NNMT: variants seen among roughly 807,000 people sequenced by gnomAD.
The protein encoded by NNMT is nicotinamide N-methyltransferase.
Under a neutral mutation model 11.7 loss-of-function variants are expected in NNMT, and 10 were observed. The ratio of observed to expected loss-of-function variants is 0.85; its 90% confidence interval spans 0.53 to 1.45. The LOEUF is 1.45. NNMT is among the 40% of genes most tolerant of loss of function. The probability of loss-of-function intolerance (pLI) is 0.00; values close to 1 mark genes in which losing one functional copy is unlikely to be tolerated. For synonymous variants in NNMT, 143 were observed against 133.8 expected, an observed-to-expected ratio of 1.07 and a Z score of -0.48; for missense variants, 381 against 319.4, an observed-to-expected ratio of 1.19 and a Z score of -1.47.
chr11:114,303,880 T>C (rs1345070910), intron 2 of NNMT, among the ~76,000 whole-genome samples: 2 of 152,164 alleles, frequency 1.3e-5, no homozygotes, highest in Non-Finnish European at 2.9e-5. Context: ...CTGGCTAATT[T>C]TTTGTAGAGA....
At chr11:114,265,662 G>A (rs1377742999) in intron 2 of NNMT, among the ~76,000 whole-genome samples, 3 of 152,144 alleles carry the variant, frequency 2.0e-5, no homozygotes, top group Non-Finnish European at 4.4e-5. Context: ...GGGAGACTGA[G>A]TGTGGTTTTA....
chr11:114,263,063 T>C (rs1461617146), intron 2 of NNMT: 2 of 152,160 alleles, frequency 1.3e-5, no homozygotes, highest in African/African-American at 4.8e-5. Flanking sequence ...CAGAAATCTG[T>C]CGATTACCAT....
At chr11:114,285,464 C>T (rs1054768390) in intron 2 of NNMT, among the ~76,000 whole-genome samples, 4 of 152,186 alleles carry the variant, frequency 2.6e-5, no homozygotes, top group African/African-American at 9.7e-5. Context: ...GGGTTCTCTA[C>T]CTCCCTGCAA....
intron 2 of NNMT, among the ~76,000 whole-genome samples, chr11:114,272,483 G>T (rs1156240563): frequency 6.6e-6 from 1 of 152,172 alleles, no homozygotes; most frequent in Non-Finnish European, 1.5e-5. Context: ...CCTTCAGAGT[G>T]TGTGGAACTG....
At chr11:114,295,098 C>A (rs150016045), upstream of NNMT, among the ~76,000 whole-genome samples, 4 of 152,334 alleles carry the variant, frequency 2.6e-5, no homozygotes, top group Non-Finnish European at 5.9e-5. Flanking sequence ...GTGGGGTATG[C>A]AGGTCAGCAT....
chr11:114,300,616 T>C (rs1945429344), intron 2 of NNMT, among the ~76,000 whole-genome samples: 1 of 133,682 alleles, frequency 7.5e-6, no homozygotes, highest in Non-Finnish European at 1.7e-5. Context: ...CTGAGAGTGT[T>C]AATGTCTCAA....
chr11:114,264,516 C>T (rs1945105855), intron 2 of NNMT, among the ~76,000 whole-genome samples: 1 of 152,176 alleles, frequency 6.6e-6, no homozygotes, highest in Non-Finnish European at 1.5e-5. Flanking sequence ...GGGGGCTTCT[C>T]CCCACACACC....
At chr11:114,266,802 C>T (rs949980798) in intron 2 of NNMT, among the ~76,000 whole-genome samples, 3 of 152,238 alleles carry the variant, frequency 2.0e-5, no homozygotes, top group African/African-American at 7.2e-5. Context: ...TCTTGCCATG[C>T]AATTCTTTCA....
chr11:114,308,992 A>T (rs1001190373), intron 2 of NNMT, among the ~76,000 whole-genome samples: 1 of 152,128 alleles, frequency 6.6e-6, no homozygotes, highest in African/African-American at 2.4e-5. Flanking sequence ...TTCTGTGGTA[A>T]CTCAAGTGTT....
chr11:114,302,517 C>T (rs1193090297), intron 2 of NNMT, among the ~76,000 whole-genome samples: 3 of 151,976 alleles, frequency 2.0e-5, no homozygotes, highest in Non-Finnish European at 2.9e-5. Flanking sequence ...CACTATAATA[C>T]ATATATTGTT....
chr11:114,298,222 A>G lies in NNMT; in HGVS notation c.362+64A>G, dbSNP rs11569686. On this transcript the variant is annotated intron_variant, in intron 2 of 2. Transcript: ENST00000299964. Reference sequence around the variant, plus strand: ...ACCTGAGTGATGGTTGGCAAAAGCAACAGACAGATAGGGACCAAAGAGAAA... The same window carrying G: ...ACCTGAGTGATGGTTGGCAAAAGCAGCAGACAGATAGGGACCAAAGAGAAA... 2.3e-5 allele frequency: 32 copies of G among 1,408,142 alleles called. No homozygotes were observed. In the African/African-American group the frequency reaches 4.4e-4, roughly 19 times the overall value. 87.2% of individuals were successfully genotyped at this position (1,408,142 alleles called of 1,614,324 possible). A position where few individuals can be genotyped will look rare whatever the true frequency, so the allele number is the denominator to read the frequency against.
chr11:114,288,962 C>G (rs1302126101), intron 2 of NNMT, among the ~76,000 whole-genome samples: 2 of 151,804 alleles, frequency 1.3e-5, no homozygotes, highest in African/African-American at 2.4e-5. Context: ...GGGGTATTTT[C>G]TCTTTTTGTA....
At chr11:114,259,500 A>G (rs1791608) in intron 1 of NNMT, among the ~76,000 whole-genome samples, 55,768 of 152,020 alleles carry the variant, frequency 0.37, 10,738 homozygotes, top group East Asian at 0.56. Context: ...GCTGGGCAGG[A>G]TGCGGGGCAG....
intron 2 of NNMT, among the ~76,000 whole-genome samples, chr11:114,273,265 G>A (rs1945185771): frequency 6.6e-6 from 1 of 152,248 alleles, no homozygotes; most frequent in Non-Finnish European, 1.5e-5. Context: ...AGCTTAGGCA[G>A]ATGGCGAGAG....
intron 2 of NNMT, among the ~76,000 whole-genome samples, chr11:114,301,694 A>G (rs756722774): frequency 6.6e-6 from 1 of 152,050 alleles, no homozygotes; most frequent in Non-Finnish European, 1.5e-5. Flanking sequence ...TGGTGGACAC[A>G]TGTCATTATA....
At chr11:114,291,517 T>C (rs1001858478), upstream of NNMT, among the ~76,000 whole-genome samples, 8 of 152,124 alleles carry the variant, frequency 5.3e-5, no homozygotes, top group Non-Finnish European at 1.0e-4. Flanking sequence ...TTGGTTTTTG[T>C]TTTGTTTTGT....
chr11:114,269,488 ACC>A, intron 2 of NNMT: 1 of 151,778 alleles, frequency 6.6e-6, no homozygotes. Context: ...AAACACCTGC[ACC>A]TCCCTATTCA....
chr11:114,265,248 G>T (rs113409798), intron 2 of NNMT, among the ~76,000 whole-genome samples: 2 of 152,232 alleles, frequency 1.3e-5, no homozygotes, highest in African/African-American at 4.8e-5. Flanking sequence ...CAAGAGACAG[G>T]GACGAAGACC....
chr11:114,261,813 T>C (rs1383662694), intron 1 of NNMT, among the ~76,000 whole-genome samples: 1 of 152,172 alleles, frequency 6.6e-6, no homozygotes. Context: ...ATCCACCAAC[T>C]GGCCATATCA....
Sources: allele counts gnomAD v4.1 joint callset (sites outside exome capture counted in the v4.1 genomes callset), GRCh38; gene constraint gnomAD v4.1.1; transcripts MANE v1.5; gene names NCBI Gene and HGNC (gene_info 2026-07-23, HGNC 2026-07-21).